LPP: variants seen among roughly 807,000 people sequenced by gnomAD.
The protein encoded by LPP is lipoma-preferred partner.
LPP carries 38 observed loss-of-function variants against 60.4 expected under a neutral mutation model. The observed-to-expected ratio is 0.63, with a 90% CI of 0.49 to 0.83. The LOEUF (loss-of-function observed/expected upper bound fraction) is 0.83, where lower values mean the gene tolerates loss of function less well. Among genes scored for constraint, LPP ranks in the 40% least tolerant of loss-of-function variants. LPP has a pLI of 0.00. For missense variants in LPP, 902 were observed against 783.6 expected, an observed-to-expected ratio of 1.15 and a Z score of -1.80; for synonymous variants, 328 against 290.8, an observed-to-expected ratio of 1.13 and a Z score of -1.30.
At chr3:188,612,807 T>C (rs1348727209) in intron 7 of LPP, among the ~76,000 whole-genome samples, 2 of 152,126 alleles carry the variant, frequency 1.3e-5, no homozygotes, top group Admixed American at 6.6e-5. Flanking sequence ...ATCTCCCTTA[T>C]ATTTGAGATG....
At chr3:188,798,616 T>C (rs955284609) in intron 9 of LPP, among the ~76,000 whole-genome samples, 1 of 152,168 alleles carries the variant, frequency 6.6e-6, no homozygotes, top group African/African-American at 2.4e-5. Flanking sequence ...GTACCTCTTA[T>C]CGTATGGGGT....
intron 2 of LPP, among the ~76,000 whole-genome samples, chr3:188,298,229 C>T (rs185900090): frequency 4.0e-4 from 61 of 152,266 alleles, no homozygotes; most frequent in African/African-American, 1.4e-3. Flanking sequence ...TGGAAATCCT[C>T]GACAGATCAC....
intron 3 of LPP, among the ~76,000 whole-genome samples, chr3:188,382,849 C>A (rs1049480912): frequency 6.6e-6 from 1 of 152,128 alleles, no homozygotes; most frequent in African/African-American, 2.4e-5. Context: ...CCTGGTTCCC[C>A]CTCTTATCCT....
rs755062768 is a variant in LPP, at chr3:188,760,105, T to C, written c.1241-8T>C. ...TGGTGTGTTCTTATCAAACCCTTTT[T>C]TTTCCAGGCCGCTGTGCTCGCTGTG... On this transcript the variant is annotated splice_polypyrimidine_tract_variant and splice_region_variant and intron_variant, in intron 8 of 11. Coordinates refer to ENST00000617246, the MANE Select transcript of LPP (RefSeq NM_001375462.1). 6 of 1,613,698 alleles carry C rather than the reference T, an allele frequency of 3.7e-6. No homozygotes were observed. The highest frequency in any genetic ancestry group is 3.3e-5 in the Admixed American group (2 of 59,994).
At chr3:188,835,828 C>A (rs1577879710) in intron 9 of LPP, among the ~76,000 whole-genome samples, 2 of 152,164 alleles carry the variant, frequency 1.3e-5, no homozygotes, top group African/African-American at 4.8e-5. Context: ...AATAAGGTAG[C>A]AATTCCTGAA....
At chr3:188,561,964 G>T (rs1372658346) in intron 6 of LPP, among the ~76,000 whole-genome samples, 1 of 151,992 alleles carries the variant, frequency 6.6e-6, no homozygotes, top group Non-Finnish European at 1.5e-5. Context: ...ATGGACTTGT[G>T]AGCAGTTGGC....
rs1202629395 is a variant in LPP at position 188,610,287 on chromosome 3, C to T, written c.1113+443C>T. On this transcript the variant is annotated intron_variant, in intron 7 of 11. Coordinates refer to ENST00000617246, the MANE Select transcript of LPP (RefSeq NM_001375462.1). The surrounding 1 kb of genome is among the most constrained non-coding windows in gnomAD (Gnocchi z 4.4). ...CAAGGGTAGTGATCTATGGGTGAGA[C>T]ATGTGGAGGGCAAAACTGAGTGAAC... 6.6e-6 allele frequency among the ~76,000 whole-genome samples: 1 copy of T among 152,152 alleles called. No individual in the cohort carries two copies. Among genetic ancestry groups the T allele is most frequent in the Non-Finnish European group, 1.5e-5 (1 of 68,014 alleles).
chr3:188,209,214 C>A (rs1577305663), intron 1 of LPP, among the ~76,000 whole-genome samples: 1 of 152,284 alleles, frequency 6.6e-6, no homozygotes, highest in African/African-American at 2.4e-5. Context: ...TGGGAATATA[C>A]TTAACCTCTC....
intron 9 of LPP, among the ~76,000 whole-genome samples, chr3:188,811,147 T>G (rs916430794): frequency 5.9e-5 from 9 of 152,084 alleles, no homozygotes; most frequent in South Asian, 2.1e-4. Context: ...AAATTTTCAA[T>G]GAAGTATAAC....
At chr3:188,699,789 G>A (rs1864009812) in intron 7 of LPP, among the ~76,000 whole-genome samples, 1 of 152,030 alleles carries the variant, frequency 6.6e-6, no homozygotes, top group South Asian at 2.1e-4. Flanking sequence ...AAACAGAAGA[G>A]GTATCCAGCA....
At chr3:188,828,386 C>T (rs1358349357) in intron 9 of LPP, among the ~76,000 whole-genome samples, 2 of 151,224 alleles carry the variant, frequency 1.3e-5, no homozygotes, top group East Asian at 3.9e-4. Context: ...GGGCGGATCA[C>T]CTGAGGTCAG....
intron 1 of LPP, among the ~76,000 whole-genome samples, chr3:188,197,474 G>C (rs189445312): frequency 2.0e-5 from 3 of 152,270 alleles, no homozygotes; most frequent in Admixed American, 2.0e-4. Context: ...TTGCTTGTGA[G>C]CTGCCTTGGA....
At chr3:188,258,570 C>T (rs1732464936) in intron 2 of LPP, among the ~76,000 whole-genome samples, 3 of 152,178 alleles carry the variant, frequency 2.0e-5, no homozygotes, top group Admixed American at 6.5e-5. Flanking sequence ...ATTCTCCCAC[C>T]TTGGCCTCCC....
At chr3:188,676,354 G>A (rs573689639) in intron 7 of LPP, among the ~76,000 whole-genome samples, 3 of 152,124 alleles carry the variant, frequency 2.0e-5, no homozygotes, top group African/African-American at 7.2e-5. Context: ...AGTCTACTCC[G>A]TGTCGCCACA....
At chr3:188,358,514 A>C (rs1427163621) in intron 3 of LPP, among the ~76,000 whole-genome samples, 1 of 152,242 alleles carries the variant, frequency 6.6e-6, no homozygotes, top group Non-Finnish European at 1.5e-5. Context: ...ACCAGGGTGA[A>C]GGGCAGGAGT....
chr3:188,429,515 A>G (rs77569578), intron 4 of LPP, among the ~76,000 whole-genome samples: 5,328 of 152,208 alleles, frequency 0.035, 142 homozygotes, highest in Non-Finnish European at 0.049. Flanking sequence ...CATATGTTTT[A>G]TTTATGCATC....
intron 7 of LPP, among the ~76,000 whole-genome samples, chr3:188,622,105 A>C (rs956711548): frequency 9.2e-5 from 14 of 152,140 alleles, no homozygotes; most frequent in African/African-American, 2.4e-4. Context: ...GCAGCTAGAG[A>C]TTCTGTTGGT....
intron 4 of LPP, among the ~76,000 whole-genome samples, chr3:188,449,007 T>C (rs530016544): frequency 3.2e-4 from 49 of 152,214 alleles, no homozygotes; most frequent in Non-Finnish European, 6.5e-4. Context: ...TATACTAAGA[T>C]AGCAAAAAAT....
At chr3:188,802,545 G>A (rs927453975) in intron 9 of LPP, among the ~76,000 whole-genome samples, 3 of 152,206 alleles carry the variant, frequency 2.0e-5, no homozygotes, top group Admixed American at 2.0e-4. Context: ...GACTTCGTGA[G>A]GCCGAGGTGG....
Sources: allele counts gnomAD v4.1 joint callset (sites outside exome capture counted in the v4.1 genomes callset), GRCh38; gene constraint gnomAD v4.1.1; non-coding constraint Gnocchi (gnomAD v3.1); transcripts MANE v1.5; gene names NCBI Gene and HGNC (gene_info 2026-07-23, HGNC 2026-07-21).